ACACA: variants seen among roughly 807,000 people sequenced by gnomAD.
ACACA encodes the protein acetyl-CoA carboxylase 1.
In ACACA, 103 loss-of-function variants were observed where a neutral mutation model predicts 296.1. The observed-to-expected ratio is 0.35, with a 90% CI of 0.30 to 0.41. The LOEUF is 0.41. Ranked by LOEUF, ACACA falls within the 10% of genes least tolerant of loss-of-function variation. ACACA has a pLI of 1.00. For synonymous variants in ACACA, 953 were observed against 1,038.6 expected, an observed-to-expected ratio of 0.92 and a Z score of 1.58; for missense variants, 1,554 against 2,989.7, an observed-to-expected ratio of 0.52 and a Z score of 11.20.
intron 1 of ACACA, among the ~76,000 whole-genome samples, chr17:37,341,831 T>C (rs1008782084): frequency 6.6e-6 from 1 of 152,140 alleles, no homozygotes. Flanking sequence ...TGTTGGAAAT[T>C]TGATGAAAGC....
rs767464451 is a variant in ACACA, at chr17:37,245,098, G to T, written c.2577C>A (p.Asn859Lys). The change falls in exon 20 of 56, where the codon AAC becomes AAA. Residue 859 changes from asparagine (N) to lysine (K), a missense_variant. Asn to Lys is a moderately conservative substitution (Grantham distance 94). This residue lies in a region of ACACA where 316 missense variants were observed against 540.9 expected (regional missense o/e 0.58). Coordinates refer to ENST00000616317, the MANE Select transcript of ACACA (RefSeq NM_198834.3). ...GCVLAKMQLD[N>K]PSKVQQAELH... ...TACTCACCTGCTGAACCTTGCTGGG[G>T]TTGTCCAGTTGCATTTTGGCTAGTA... 1 of 1,614,190 alleles carries T rather than the reference G, an allele frequency of 6.2e-7. No individual in the cohort carries two copies. Among genetic ancestry groups the T allele is most frequent in the Admixed American group, 1.7e-5 (1 of 60,014 alleles).
intron 10 of ACACA, among the ~76,000 whole-genome samples, chr17:37,265,560 T>C (rs1178302022): frequency 6.6e-6 from 1 of 152,092 alleles, no homozygotes; most frequent in African/African-American, 2.4e-5. Flanking sequence ...ATATTTATGA[T>C]GATATTGGGA....
intron 19 of ACACA, among the ~76,000 whole-genome samples, chr17:37,246,578 A>T (rs924762953): frequency 1.1e-4 from 17 of 152,058 alleles, no homozygotes; most frequent in African/African-American, 3.9e-4. Context: ...GTCTACAGGC[A>T]TGTGCCACTG....
intron 45 of ACACA, among the ~76,000 whole-genome samples, chr17:37,139,498 A>G (rs190530679): frequency 6.6e-6 from 1 of 152,308 alleles, no homozygotes; most frequent in African/African-American, 2.4e-5. Context: ...GTGTTTGTGT[A>G]CCCTTGGGGT....
At chr17:37,111,212 T>C (rs1274801083) in intron 52 of ACACA, among the ~76,000 whole-genome samples, 1 of 152,064 alleles carries the variant, frequency 6.6e-6, no homozygotes, top group Non-Finnish European at 1.5e-5. Flanking sequence ...AAATCTAGCA[T>C]ATTCTCTGGT....
chr17:37,135,120 C>G (rs1291800698), intron 45 of ACACA, among the ~76,000 whole-genome samples: 1 of 152,214 alleles, frequency 6.6e-6, no homozygotes, highest in East Asian at 1.9e-4. Flanking sequence ...TTTTAAAAAT[C>G]TGACAAGTAA....
chr17:37,336,269 T>C (rs545555828), intron 2 of ACACA, among the ~76,000 whole-genome samples: 2 of 152,220 alleles, frequency 1.3e-5, no homozygotes, highest in African/African-American at 4.8e-5. Context: ...CAACCTCTAC[T>C]ACGCCCCAAT....
intron 5 of ACACA, among the ~76,000 whole-genome samples, chr17:37,279,462 A>G (rs2082409583): frequency 6.6e-6 from 1 of 152,006 alleles, no homozygotes; most frequent in South Asian, 2.1e-4. Context: ...GTGAAACCCC[A>G]TCTCTACTAA....
chr17:37,175,803 G>A (rs1253432869), intron 41 of ACACA, among the ~76,000 whole-genome samples: 1 of 152,132 alleles, frequency 6.6e-6, no homozygotes, highest in Non-Finnish European at 1.5e-5. Context: ...AGAAAAATGT[G>A]TTCTCCTATA....
intron 5 of ACACA, among the ~76,000 whole-genome samples, chr17:37,281,649 C>G (rs759300491): frequency 3.9e-5 from 6 of 152,100 alleles, no homozygotes; most frequent in Non-Finnish European, 8.8e-5. Context: ...AGGTGGATCA[C>G]AAGGTCAAGA....
At chr17:37,378,006 C>A in intron 1 of ACACA, 1 of 1,573,400 alleles carries the variant, frequency 6.4e-7, no homozygotes, top group African/African-American at 1.4e-5. Context: ...ATTGCCATTC[C>A]AAAAAATTTT....
At chr17:37,290,032 T>C (rs569280520) in intron 3 of ACACA, among the ~76,000 whole-genome samples, 64 of 152,182 alleles carry the variant, frequency 4.2e-4, no homozygotes, top group African/African-American at 1.3e-3. Context: ...CTGGCACAGA[T>C]AGAAGCTGTT....
chr17:37,235,104 A>G lies in ACACA; in HGVS notation c.3122-5T>C, dbSNP rs1487013880. The G allele has an allele frequency of 1.2e-6, 2 of 1,613,254 alleles. No homozygotes were observed. Among genetic ancestry groups the G allele is most frequent in the Non-Finnish European group, 1.7e-6 (2 of 1,179,864 alleles). On this transcript the variant is annotated splice_polypyrimidine_tract_variant and splice_region_variant and intron_variant, in intron 24 of 55. Transcript: ENST00000616317. ...ATACACATTTGTCATAGTGACCTGC[A>G]CACCATGAAAAGAACTGGTTCTCAC...
At chr17:37,307,045 G>GA (rs918789236) in intron 3 of ACACA, among the ~76,000 whole-genome samples, 4 of 151,064 alleles carry the variant, frequency 2.6e-5, no homozygotes, top group East Asian at 1.9e-4. Flanking sequence ...CGAATTTATG[G>GA]AAAAAAAAAT....
At chr17:37,307,032 G>A (rs1385517142) in intron 3 of ACACA, among the ~76,000 whole-genome samples, 1 of 151,946 alleles carries the variant, frequency 6.6e-6, no homozygotes, top group Admixed American at 6.6e-5. Flanking sequence ...CTTACCACTT[G>A]GTCGAATTTA....
chr17:37,291,972 G>C (rs1212468207), intron 3 of ACACA, among the ~76,000 whole-genome samples: 1 of 151,542 alleles, frequency 6.6e-6, no homozygotes, highest in Non-Finnish European at 1.5e-5. Flanking sequence ...ATGTTAATTT[G>C]ACTGCTCTAA....
chr17:37,297,168 G>A (rs1057139159), intron 3 of ACACA, among the ~76,000 whole-genome samples: 26 of 151,574 alleles, frequency 1.7e-4, no homozygotes, highest in African/African-American at 5.3e-4. Context: ...AAGGCCGGGC[G>A]CGGTGGCTCA....
At chr17:37,277,257 G>T in intron 6 of ACACA, 143 bp from the exon 7 acceptor site, 1 of 759,078 alleles carries the variant, frequency 1.3e-6, no homozygotes. Context: ...TTCTATGCTT[G>T]ATTGTTGGCA....
chr17:37,373,575 A>G (rs1435000965), intron 1 of ACACA, among the ~76,000 whole-genome samples: 1 of 152,120 alleles, frequency 6.6e-6, no homozygotes, highest in African/African-American at 2.4e-5. Flanking sequence ...TTAAGTTACA[A>G]AAGAAAAGGG....
Sources: allele counts gnomAD v4.1 joint callset (sites outside exome capture counted in the v4.1 genomes callset), GRCh38; gene constraint gnomAD v4.1.1; regional missense constraint gnomAD v4.1.1; transcripts MANE v1.5; gene names NCBI Gene and HGNC (gene_info 2026-07-23, HGNC 2026-07-21).